Variants in GRM7 observed in about 807,000 individuals in gnomAD.
GRM7 encodes glutamate metabotropic receptor 7, also known as metabotropic glutamate receptor 7.
A neutral mutation model predicts 84.5 loss-of-function variants in GRM7; 35 were observed. The observed-to-expected ratio is 0.41, with a 90% CI of 0.32 to 0.55. The LOEUF (loss-of-function observed/expected upper bound fraction) is 0.55. Ranked by LOEUF, GRM7 falls within the 20% of genes least tolerant of loss-of-function variation. The pLI is 0.19. For missense variants in GRM7, 1,003 were observed against 1,194.6 expected (o/e 0.84, Z 2.36); for synonymous variants, 487 against 455.1 (o/e 1.07, Z -0.89).
At chr3:7,576,215 C>G (rs1326752124) in intron 7 of GRM7, among the ~76,000 whole-genome samples, 1 of 152,186 alleles carries the variant, frequency 6.6e-6, no homozygotes, top group Non-Finnish European at 1.5e-5. Context: ...CGATCTTTCT[C>G]TCTTGTCATA....
At chr3:7,136,119 ATTTC>A (rs1398751670) in intron 1 of GRM7, among the ~76,000 whole-genome samples, 2 of 151,952 alleles carry the variant, frequency 1.3e-5, no homozygotes, top group African/African-American at 2.4e-5. Flanking sequence ...CATGCATAAT[ATTTC>A]TTTTTTTATT....
At chr3:7,371,863 G>T (rs1336764492) in intron 4 of GRM7, among the ~76,000 whole-genome samples, 4 of 152,154 alleles carry the variant, frequency 2.6e-5, no homozygotes, top group Admixed American at 6.5e-5. Flanking sequence ...AGAATGAACA[G>T]AGGTGTGAGT....
In GRM7 at chr3:7,482,985, A is replaced by G. The variant is rs532216244; in HGVS notation, c.1515+21263A>G. On this transcript the variant is annotated intron_variant, in intron 7 of 9. Transcript: ENST00000357716. ...AAAATTACTTATATGGTCTTGTTCA[A>G]TACTCCTAACAATTTTAAGCTGTGT... is the stretch of plus-strand genomic sequence containing the variant. 7.2e-5 allele frequency among the ~76,000 whole-genome samples: 11 copies of G among 152,316 alleles called. No homozygotes were observed. In the South Asian group the frequency reaches 1.9e-3, roughly 26 times the overall value.
At chr3:7,274,865 G>A (rs182140519) in intron 2 of GRM7, among the ~76,000 whole-genome samples, 1 of 151,870 alleles carries the variant, frequency 6.6e-6, no homozygotes, top group African/African-American at 2.4e-5. Flanking sequence ...ATTATATATT[G>A]TTTCAAATAT....
In GRM7 at chr3:6,942,130, T is replaced by C. The variant is rs1264930169; in HGVS notation, c.519+80223T>C. 3.3e-5 allele frequency among the ~76,000 whole-genome samples: 5 copies of C among 149,456 alleles called. No homozygotes were observed. In the Admixed American group the frequency reaches 3.4e-4, roughly 10 times the overall value. On this transcript the variant is annotated intron_variant, in intron 1 of 9. Transcript: ENST00000357716. ...ATAGAAGTCACTATACCTTATTGAA[T>C]GTATTTTCAGCTCTTTTTTTTTTAT... is the stretch of plus-strand genomic sequence containing the variant.
chr3:7,303,602 A>AT (rs200738816), intron 3 of GRM7, among the ~76,000 whole-genome samples: 1 of 152,098 alleles, frequency 6.6e-6, no homozygotes, highest in Admixed American at 6.5e-5. Context: ...TATGGTAGTT[A>AT]TTTTTTTGGA....
At chr3:7,645,350 C>T (rs576125138) in intron 8 of GRM7, among the ~76,000 whole-genome samples, 21 of 151,800 alleles carry the variant, frequency 1.4e-4, no homozygotes, top group African/African-American at 2.9e-4. Flanking sequence ...AGATTGAGAC[C>T]ATCCTGGCCA....
chr3:7,492,527 C>T (rs1009334055), intron 7 of GRM7, among the ~76,000 whole-genome samples: 2 of 152,024 alleles, frequency 1.3e-5, no homozygotes, highest in Non-Finnish European at 2.9e-5. Flanking sequence ...ATTTACCTAT[C>T]TTTTAATGAC....
chr3:6,969,899 T>C (rs1233472058), intron 1 of GRM7, among the ~76,000 whole-genome samples: 1 of 152,134 alleles, frequency 6.6e-6, no homozygotes, highest in Non-Finnish European at 1.5e-5. Flanking sequence ...GTGACTGCAA[T>C]TGTCAACTCT....
At chr3:7,311,524 C>T (rs1027964429) in intron 4 of GRM7, among the ~76,000 whole-genome samples, 10 of 152,044 alleles carry the variant, frequency 6.6e-5, no homozygotes, top group African/African-American at 2.4e-4. Context: ...GGAGACTTCC[C>T]AGGGCATTTA....
intron 8 of GRM7, among the ~76,000 whole-genome samples, chr3:7,638,013 T>A (rs1326132624): frequency 3.3e-5 from 5 of 152,222 alleles, no homozygotes; most frequent in Non-Finnish European, 7.3e-5. Flanking sequence ...ATAATTTCTA[T>A]AATTTCTCTC....
chr3:7,059,772 C>T (rs1466847095), intron 1 of GRM7, among the ~76,000 whole-genome samples: 1 of 151,686 alleles, frequency 6.6e-6, no homozygotes, highest in East Asian at 1.9e-4. Flanking sequence ...TAGAGAGTTA[C>T]CTAACCCCTT....
intron 7 of GRM7, among the ~76,000 whole-genome samples, chr3:7,463,781 A>G (rs1868617): frequency 0.12 from 18,928 of 152,170 alleles, 1,250 homozygotes; most frequent in South Asian, 0.3. Flanking sequence ...TGTTGGAGCA[A>G]TAGGTAAGAG....
At chr3:7,101,999 T>C (rs1338444645) in intron 1 of GRM7, among the ~76,000 whole-genome samples, 1 of 151,480 alleles carries the variant, frequency 6.6e-6, no homozygotes, top group Non-Finnish European at 1.5e-5. Flanking sequence ...CTTTGTGATA[T>C]TGTTGTCACT....
At chr3:7,090,433 G>A (rs1698620725) in intron 1 of GRM7, among the ~76,000 whole-genome samples, 1 of 152,112 alleles carries the variant, frequency 6.6e-6, no homozygotes, top group Non-Finnish European at 1.5e-5. Context: ...AGAAGGAAGA[G>A]TTTCTTGCAC....
chr3:7,665,467 G>A (rs553711499), intron 8 of GRM7, among the ~76,000 whole-genome samples: 5 of 151,962 alleles, frequency 3.3e-5, no homozygotes, highest in East Asian at 1.9e-4. Flanking sequence ...GAGCCACCGC[G>A]CCCGGCCTTG....
chr3:7,165,856 A>G (rs572430662), intron 2 of GRM7, among the ~76,000 whole-genome samples: 5 of 152,302 alleles, frequency 3.3e-5, no homozygotes, highest in Non-Finnish European at 5.9e-5. Flanking sequence ...TTTATTTGGC[A>G]TTGACAATCC....
intron 8 of GRM7, among the ~76,000 whole-genome samples, chr3:7,613,436 TTG>T (rs1696937784): frequency 6.6e-6 from 1 of 152,162 alleles, no homozygotes; most frequent in Admixed American, 6.5e-5. Context: ...GGCTGGGCTT[TTG>T]ATGAACACTC....
chr3:7,548,118 A>C (rs1693259911), intron 7 of GRM7, among the ~76,000 whole-genome samples: 1 of 152,210 alleles, frequency 6.6e-6, no homozygotes, highest in East Asian at 1.9e-4. Context: ...TATGATGTTG[A>C]AATTTGATCC....
Sources: gnomAD v4.1 joint callset for allele counts (sites outside exome capture counted in the v4.1 genomes callset) on GRCh38, gnomAD v4.1.1 for gene constraint, MANE v1.5 for transcripts, NCBI Gene and HGNC (gene_info 2026-07-23, HGNC 2026-07-21) for gene names.